The following ACACA variants were observed in gnomAD, a reference collection of about 807,000 sequenced individuals.
The protein encoded by ACACA is acetyl-CoA carboxylase alpha.
Under a neutral mutation model 296.1 loss-of-function variants are expected in ACACA, and 103 were observed. The ratio of observed to expected loss-of-function variants is 0.35; its 90% CI spans 0.30 to 0.41. The LOEUF is 0.41. ACACA is among the 10% of genes least tolerant of loss of function. The probability of loss-of-function intolerance (pLI) is 1.00; values close to 1 mark genes in which losing one functional copy is unlikely to be tolerated. For missense variants in ACACA, 1,554 were observed against 2,989.7 expected, an observed-to-expected ratio of 0.52 and a Z score of 11.20; for synonymous variants, 953 against 1,038.6, an observed-to-expected ratio of 0.92 and a Z score of 1.58.
intron 3 of ACACA, among the ~76,000 whole-genome samples, chr17:37,321,301 G>T (rs1762842876): frequency 6.6e-6 from 1 of 152,136 alleles, no homozygotes; most frequent in Admixed American, 6.6e-5. Flanking sequence ...AAGGATAAAG[G>T]TCTGCACAGC....
At chr17:37,235,466 C>T (rs201994247) in intron 24 of ACACA, among the ~76,000 whole-genome samples, 2 of 152,120 alleles carry the variant, frequency 1.3e-5, no homozygotes, top group Admixed American at 6.5e-5. Flanking sequence ...CAGTCTTACT[C>T]TAAACTCTCT....
chr17:37,240,850 T>C (rs951815925), intron 23 of ACACA, among the ~76,000 whole-genome samples: 2 of 152,170 alleles, frequency 1.3e-5, no homozygotes, highest in Non-Finnish European at 2.9e-5. Context: ...TACCATACTC[T>C]TGAAATGGCT....
In ACACA at chr17:37,391,554, G is replaced by A. The variant is rs2050886651; in HGVS notation, c.38+14708C>T. 1.7e-5 allele frequency: 18 copies of A among 1,080,510 alleles called. No individual in the cohort carries two copies. The South Asian group carries it at 2.3e-4, about 14-fold the overall frequency. 66.9% of individuals were successfully genotyped at this position (1,080,510 alleles called of 1,614,324 possible). A position where few individuals can be genotyped will look rare whatever the true frequency, so the allele number is the denominator to read the frequency against. On this transcript the variant is annotated intron_variant, in intron 1 of 55. Coordinates refer to ENST00000616317, the MANE Select transcript of ACACA (RefSeq NM_198834.3). ...AAATGAAGTGCACTTGGAATTACATGGGGTTTTGTACTTAGCCAGCCCTTT... is the reference window on the plus strand; with the variant it reads ...AAATGAAGTGCACTTGGAATTACATAGGGTTTTGTACTTAGCCAGCCCTTT...
chr17:37,295,443 A>G (rs1396594943), intron 3 of ACACA, among the ~76,000 whole-genome samples: 1 of 152,246 alleles, frequency 6.6e-6, no homozygotes, highest in Non-Finnish European at 1.5e-5. Context: ...AACAAAACAC[A>G]CAAACAAAGC....
intron 10 of ACACA, among the ~76,000 whole-genome samples, chr17:37,268,733 C>CTATATATATATATA (rs1402309165): frequency 1.7e-4 from 12 of 70,808 alleles, no homozygotes; most frequent in African/African-American, 7.4e-4. Context: ...ATCTATCTAT[C>CTATATATATATATA]TATCTATCTA....
intron 1 of ACACA, among the ~76,000 whole-genome samples, chr17:37,350,923 G>A (rs1399264592): frequency 2.6e-5 from 4 of 151,538 alleles, no homozygotes; most frequent in Non-Finnish European, 5.9e-5. Flanking sequence ...ACCTGAGGTC[G>A]GGAGTTCCGG....
chr17:37,379,362 G>T (rs750590762), intron 1 of ACACA: 7 of 1,613,926 alleles, frequency 4.3e-6, no homozygotes, highest in South Asian at 1.1e-5. Context: ...TTTCAGACTG[G>T]ATCTCTTCTA....
chr17:37,367,366 G>A (rs1055979686), intron 1 of ACACA, among the ~76,000 whole-genome samples: 2 of 152,038 alleles, frequency 1.3e-5, no homozygotes, highest in Admixed American at 1.3e-4. Flanking sequence ...AAACTGAGAA[G>A]AACCGATTCT....
chr17:37,389,570 C>G (rs1220913005), intron 1 of ACACA, among the ~76,000 whole-genome samples: 1 of 151,950 alleles, frequency 6.6e-6, no homozygotes, highest in East Asian at 1.9e-4. Context: ...GCCTGTACTC[C>G]CAGCTACTCG....
Position 37,260,296 on chromosome 17 carries a change from ATTTTTTTTTT to A in ACACA, c.1330-776_1330-767del, listed in dbSNP as rs1165828702. 4.1e-3 allele frequency among the ~76,000 whole-genome samples: 78 copies of A among 18,940 alleles called. 1 individual carries two copies. Among genetic ancestry groups the A allele is most frequent in the African/African-American group, 0.015 (75 of 5,092 alleles). 12.4% of individuals were successfully genotyped at this position (18,940 alleles called of 152,430 possible). A position where few individuals can be genotyped will look rare whatever the true frequency, so the allele number is the denominator to read the frequency against. ...TATATATATATATATATATATATAT[ATTTTTTTTTT>A]TTTTTTTTTTGGAGATGGAGTCTCG... On this transcript the variant is annotated intron_variant, in intron 11 of 55. Coordinates refer to ENST00000616317, the MANE Select transcript of ACACA (RefSeq NM_198834.3).
At chr17:37,199,524 G>T (rs1397769180) in intron 35 of ACACA, among the ~76,000 whole-genome samples, 1 of 152,082 alleles carries the variant, frequency 6.6e-6, no homozygotes, top group Non-Finnish European at 1.5e-5. Flanking sequence ...TTAAATGGGA[G>T]AATAAGCAAC....
At chr17:37,244,539 A>G in intron 21 of ACACA, 49 bp downstream of exon 21, 2 of 1,603,662 alleles carry the variant, frequency 1.2e-6, no homozygotes, top group Non-Finnish European at 1.7e-6. Flanking sequence ...TATTTTGGAG[A>G]ATAGGTATCC....
At chr17:37,088,258 C>G (rs538889707) in intron 55 of ACACA, among the ~76,000 whole-genome samples, 3 of 151,958 alleles carry the variant, frequency 2.0e-5, no homozygotes, top group Non-Finnish European at 4.4e-5. Flanking sequence ...TAAAAGTATC[C>G]CTATTCTCAG....
chr17:37,342,893 A>G (rs1028198133), intron 1 of ACACA, among the ~76,000 whole-genome samples: 3 of 152,042 alleles, frequency 2.0e-5, no homozygotes, highest in Non-Finnish European at 4.4e-5. Context: ...GTGCCACTGT[A>G]CTCCAGCCTG....
At chr17:37,234,892 C>T (rs1423413119) in intron 25 of ACACA, 83 bp downstream of exon 25, 29 of 1,495,398 alleles carry the variant, frequency 1.9e-5, no homozygotes, top group Admixed American at 3.5e-5. Flanking sequence ...AGTTTTTTTT[C>T]TCTGGCCATA....
rs772006125 is a variant in ACACA at position 37,111,656 on chromosome 17, G to T, written c.6453-13C>A. On this transcript the variant is annotated splice_polypyrimidine_tract_variant and intron_variant, in intron 51 of 55. Coordinates refer to ENST00000616317, the MANE Select transcript of ACACA (RefSeq NM_198834.3). ...CAGAACAGATCCCCTGGATCAGAAAGAAAGAAAAAACAAAACAGAAATAGA... is the reference window on the plus strand; with the variant it reads ...CAGAACAGATCCCCTGGATCAGAAATAAAGAAAAAACAAAACAGAAATAGA... The T allele has an allele frequency of 1.4e-5, 22 of 1,602,868 alleles. No individual in the cohort carries two copies. Among genetic ancestry groups the T allele is most frequent in the Non-Finnish European group, 1.9e-5 (22 of 1,170,090 alleles).
rs1567896986 is a variant in ACACA at position 37,259,375 on chromosome 17, A to G, written c.1485T>C (p.Pro495=). The G allele has an allele frequency of 6.2e-7, 1 of 1,614,164 alleles. No individual in the cohort carries two copies. Among genetic ancestry groups the G allele is most frequent in the East Asian group, 2.2e-5 (1 of 44,882 alleles). The stretch of plus-strand genomic sequence containing the variant: ...GGAGACTCACCTGGAGCTGTGCTGC[A>G]GGGAGATTGACATCAGCCACCATCT... ...CTEMVADVNL[P]AAQLQIAMGI... Residue 495 remains proline, a synonymous_variant, in exon 12 of 56, where the codon CCT becomes CCC. Coordinates refer to ENST00000616317, the MANE Select transcript of ACACA (RefSeq NM_198834.3).
At position 37,104,943 on chromosome 17, in the gene ACACA, C is replaced by T. The variant is rs77206263; in HGVS notation, c.6565+6588G>A. Among the ~76,000 whole-genome samples the T allele has an allele frequency of 1.2e-4, 7 of 60,008 alleles. 1 individual carries two copies. In the African/African-American group the frequency reaches 1.2e-3, roughly 11 times the overall value. The allele number at this position is 60,008 out of a possible 152,430, so 39.4% of individuals were successfully genotyped here. A position where few individuals can be genotyped will look rare whatever the true frequency, so the allele number is the denominator to read the frequency against. ...GACAGAGTGAGAATCTGTCTCTGACCGAAAAAAAAAAAAAAAAAAAAAAGC... is the reference window on the plus strand; with the variant it reads ...GACAGAGTGAGAATCTGTCTCTGACTGAAAAAAAAAAAAAAAAAAAAAAGC... On this transcript the variant is annotated intron_variant, in intron 52 of 55. Coordinates refer to ENST00000616317, the MANE Select transcript of ACACA (RefSeq NM_198834.3).
chr17:37,116,433 C>T (rs545411329), intron 50 of ACACA, among the ~76,000 whole-genome samples: 55 of 152,210 alleles, frequency 3.6e-4, no homozygotes, highest in Non-Finnish European at 7.1e-4. Context: ...TGGATTTCCT[C>T]TGTGTTCAGA....
Sources: gnomAD v4.1 joint callset for allele counts (sites outside exome capture counted in the v4.1 genomes callset) on GRCh38, gnomAD v4.1.1 for gene constraint, MANE v1.5 for transcripts, NCBI Gene and HGNC (gene_info 2026-07-23, HGNC 2026-07-21) for gene names.